Variants in C6 observed in about 807,000 individuals in gnomAD.
C6 encodes the protein complement C6, also known as complement component C6.
C6 carries 101 observed loss-of-function variants against 112.9 expected under a neutral mutation model. The observed-to-expected ratio is 0.89, with a 90% CI of 0.76 to 1.06. C6 has a LOEUF of 1.06. C6 is among the 50% of genes least tolerant of loss of function. The pLI is 0.00. For missense variants in C6, 1,202 were observed against 1,104.6 expected, an observed-to-expected ratio of 1.09 and a Z score of -1.25; for synonymous variants, 431 against 384.1, an observed-to-expected ratio of 1.12 and a Z score of -1.43.
chr5:41,249,123 G>A (rs886889320), intron 1 of C6, among the ~76,000 whole-genome samples: 2 of 152,092 alleles, frequency 1.3e-5, no homozygotes, highest in African/African-American at 4.8e-5. Flanking sequence ...TGTACATAAA[G>A]ATGGAAACAA....
chr5:41,220,061 T>G (rs1739074073), intron 1 of C6, among the ~76,000 whole-genome samples: 1 of 152,208 alleles, frequency 6.6e-6, no homozygotes, highest in South Asian at 2.1e-4. Context: ...GTTGTATTTT[T>G]TATTAATGAT....
intron 1 of C6, among the ~76,000 whole-genome samples, chr5:41,222,922 C>A (rs1042370089): frequency 6.6e-6 from 1 of 152,102 alleles, no homozygotes; most frequent in African/African-American, 2.4e-5. Flanking sequence ...ATTTAATATC[C>A]TAACTGTGTT....
chr5:41,147,162 G>A (rs950929483), intron 17 of C6, among the ~76,000 whole-genome samples: 1 of 152,152 alleles, frequency 6.6e-6, no homozygotes, highest in East Asian at 1.9e-4. Flanking sequence ...AAATAAAAAT[G>A]ATGTTGTATA....
At chr5:41,236,526 A>C (rs911888494) in intron 1 of C6, among the ~76,000 whole-genome samples, 5 of 128,560 alleles carry the variant, frequency 3.9e-5, no homozygotes, top group African/African-American at 1.5e-4. Flanking sequence ...CTTTGAAACC[A>C]ACGAGAACAA....
intron 15 of C6, among the ~76,000 whole-genome samples, chr5:41,151,992 C>G (rs1454018079): frequency 6.9e-6 from 1 of 145,286 alleles, no homozygotes; most frequent in African/African-American, 2.6e-5. Context: ...ATTCTAGGCA[C>G]TAGGACATTA....
At chr5:41,181,718 T>C (rs1749367147) in intron 6 of C6, among the ~76,000 whole-genome samples, 159 bp from the exon 7 acceptor site, 1 of 152,206 alleles carries the variant, frequency 6.6e-6, no homozygotes, top group South Asian at 2.1e-4. Flanking sequence ...TTTCCTGCAC[T>C]GAGGGGTTAA....
chr5:41,176,273 T>A (rs1748835415), intron 8 of C6, among the ~76,000 whole-genome samples: 1 of 152,236 alleles, frequency 6.6e-6, no homozygotes, highest in Non-Finnish European at 1.5e-5. Flanking sequence ...AGCATACTTA[T>A]TTTTCTTTAT....
At chr5:41,154,413 A>C (rs191532418) in intron 14 of C6, among the ~76,000 whole-genome samples, 7 of 152,306 alleles carry the variant, frequency 4.6e-5, no homozygotes, top group Admixed American at 4.6e-4. Flanking sequence ...TCCCACAATA[A>C]GTCTTTGGAC....
rs1287492762 is a variant in C6 at position 41,156,498 on chromosome 5, C to T, written c.1969-1394G>A. Among the ~76,000 whole-genome samples the T allele has an allele frequency of 3.3e-5, 5 of 152,260 alleles. No homozygotes were observed. In the East Asian group the frequency reaches 7.7e-4, roughly 23 times the overall value. On this transcript the variant is annotated intron_variant, in intron 13 of 17. Coordinates refer to ENST00000337836, the MANE Select transcript of C6 (RefSeq NM_000065.5). ...TGCTGAAAGAATACAAAACATTATC[C>T]TTCTTAAGGAGCTAGTAATGCAATA...
rs1374492793 is a variant in C6 at position 41,153,791 on chromosome 5, A to G, written c.2290+19T>C. Reference sequence around the variant, plus strand: ...GTGCACCACCTTATCAGACCCCAGAACACTGAGCTGCTACTCACCTTTTTC... The same window carrying G: ...GTGCACCACCTTATCAGACCCCAGAGCACTGAGCTGCTACTCACCTTTTTC... On this transcript the variant is annotated intron_variant, in intron 15 of 17. Transcript: ENST00000337836. 1 of 1,598,692 alleles carries G rather than the reference A, an allele frequency of 6.3e-7. No individual in the cohort carries two copies. The highest frequency in any genetic ancestry group is 8.6e-7 in the Non-Finnish European group (1 of 1,167,486).
chr5:41,203,708 C>T (rs1330264983), intron 1 of C6: 1 of 185,982 alleles, frequency 5.4e-6, no homozygotes, highest in Non-Finnish European at 1.1e-5. Context: ...TCCTGACATG[C>T]TGGAAACCTG....
rs1377799802 is a variant in C6 at position 41,191,130 on chromosome 5, G to A, written c.587+4662C>T. On this transcript the variant is annotated intron_variant, in intron 5 of 17. Transcript: ENST00000337836. ...TGCCCAGGCTGGAGTGCAGTGGCACGACCTCTGCTCACTGCAACCTCCACC... is the reference window on the plus strand; with the variant it reads ...TGCCCAGGCTGGAGTGCAGTGGCACAACCTCTGCTCACTGCAACCTCCACC... 7.4e-5 allele frequency among the ~76,000 whole-genome samples: 10 copies of A among 135,110 alleles called. No individual in the cohort carries two copies. The East Asian group carries it at 1.2e-3, about 16-fold the overall frequency. The allele number at this position is 135,110 out of a possible 152,430, so 88.6% of individuals were successfully genotyped here.
chr5:41,225,054 T>C (rs1440240914), intron 1 of C6, among the ~76,000 whole-genome samples: 1 of 152,180 alleles, frequency 6.6e-6, no homozygotes, highest in Non-Finnish European at 1.5e-5. Flanking sequence ...AAATGTCTAT[T>C]CAAATCCTTT....
At chr5:41,161,655 A>C (rs954603423) in intron 10 of C6, 38 bp downstream of exon 10, 2 of 1,563,418 alleles carry the variant, frequency 1.3e-6, no homozygotes, top group Middle Eastern at 3.4e-4. Context: ...CTAGAGAACT[A>C]CTTTAGATCT....
At chr5:41,212,385 T>C (rs1752002960) in intron 1 of C6, among the ~76,000 whole-genome samples, 1 of 152,108 alleles carries the variant, frequency 6.6e-6, no homozygotes, top group African/African-American at 2.4e-5. Context: ...CGTCTTGAAC[T>C]CCTGACCTTG....
intron 8 of C6, among the ~76,000 whole-genome samples, chr5:41,173,024 G>T (rs1479396723): frequency 2.0e-5 from 3 of 151,868 alleles, no homozygotes; most frequent in Non-Finnish European, 4.4e-5. Context: ...CTCCTCCTTG[G>T]CTATTCTATC....
chr5:41,202,161 A>G (rs111810722), intron 2 of C6, among the ~76,000 whole-genome samples: 13 of 152,268 alleles, frequency 8.5e-5, no homozygotes, highest in African/African-American at 3.1e-4. Context: ...TTCAAAGAGA[A>G]AGTGGCATGA....
At chr5:41,212,512 G>A (rs954415292) in intron 1 of C6, among the ~76,000 whole-genome samples, 2 of 151,950 alleles carry the variant, frequency 1.3e-5, no homozygotes, top group Non-Finnish European at 2.9e-5. Flanking sequence ...TTGTTATGAT[G>A]GCCTAGCATA....
rs764617576 is a variant in C6 at position 41,195,821 on chromosome 5, G to A, written c.558C>T (p.Pro186=). Residue 186 remains proline (P), a synonymous_variant, in exon 5 of 18, where the codon CCC becomes CCT. Transcript: ENST00000337836. ...TKAVCTRKYN[P]IPSVQLMGNG... ...TGCCCATCAACTGTACACTAGGGAT[G>A]GGATTATACTTCCGTGTGCATACTG... The A allele has an allele frequency of 6.2e-7, 1 of 1,613,872 alleles. No individual in the cohort carries two copies. The highest frequency in any genetic ancestry group is 8.5e-7 in the Non-Finnish European group (1 of 1,179,874).
Sources: allele counts gnomAD v4.1 joint callset (sites outside exome capture counted in the v4.1 genomes callset), GRCh38; gene constraint gnomAD v4.1.1; transcripts MANE v1.5; gene names NCBI Gene and HGNC (gene_info 2026-07-23, HGNC 2026-07-21).